Variants in CCDC30 observed in about 807,000 individuals in gnomAD.
CCDC30 encodes the protein coiled-coil domain containing 30.
A neutral mutation model predicts 100.2 loss-of-function variants in CCDC30; 70 were observed. That is an observed-to-expected ratio of 0.70 (90% confidence interval 0.58 to 0.85). The LOEUF is 0.85. Ranked by LOEUF, CCDC30 falls within the 40% of genes least tolerant of loss-of-function variation. The pLI is 0.00. For synonymous variants in CCDC30, 233 were observed against 269.5 expected, an observed-to-expected ratio of 0.86 and a Z score of 1.33; for missense variants, 652 against 771.2, an observed-to-expected ratio of 0.85 and a Z score of 1.83.
At chr1:42,615,541 C>T (rs1646710380) in intron 11 of CCDC30, among the ~76,000 whole-genome samples, 1 of 151,976 alleles carries the variant, frequency 6.6e-6, no homozygotes, top group African/African-American at 2.4e-5. Context: ...TCAAATGATC[C>T]ACCCGCCTCA....
intron 6 of CCDC30, chr1:42,510,070 T>C (rs563287481): frequency 6.1e-6 from 6 of 985,326 alleles, no homozygotes; most frequent in Non-Finnish European, 7.2e-6. Flanking sequence ...TGTTGTAGAA[T>C]TGGAGGAGCT....
chr1:42,458,092 G>C, the CCDC30 span, among the ~76,000 whole-genome samples: 4 of 152,164 alleles, frequency 2.6e-5, no homozygotes, highest in African/African-American at 9.7e-5. Flanking sequence ...GCTTTGGTAA[G>C]GCTGGAGAGC....
chr1:42,578,733 A>G (rs1433061840), intron 8 of CCDC30, among the ~76,000 whole-genome samples: 1 of 152,216 alleles, frequency 6.6e-6, no homozygotes, highest in Non-Finnish European at 1.5e-5. Flanking sequence ...AAACTGTTAC[A>G]TGCATGTATG....
intron 6 of CCDC30, 83 bp from the exon 10 acceptor site, chr1:42,556,073 T>C: frequency 7.5e-7 from 1 of 1,337,796 alleles, no homozygotes; most frequent in Non-Finnish European, 1.0e-6. Context: ...TTTGCAACAC[T>C]GTCTTGACTT....
rs113507813 is a variant in CCDC30 at position 42,611,685 on chromosome 1, A to G, written c.1277+595A>G. 5.8e-3 allele frequency among the ~76,000 whole-genome samples: 887 copies of G among 152,100 alleles called. 11 individuals carry two copies. The highest frequency in any genetic ancestry group is 0.021 in the African/African-American group (855 of 41,492). ...TAATGAAACAACATTGCAAAAAAAA[A>G]TTCTTTTTTCAGATAGGATCTCACT... On this transcript the variant is annotated intron_variant, in intron 11 of 16. Transcript: ENST00000668663.
intron 9 of CCDC30, among the ~76,000 whole-genome samples, chr1:42,585,914 A>G (rs1009146037): frequency 6.8e-6 from 1 of 146,152 alleles, no homozygotes; most frequent in African/African-American, 2.5e-5. Context: ...TAGATATATC[A>G]TACTTTATGT....
At chr1:42,535,931 C>G (rs919152398) in intron 6 of CCDC30, among the ~76,000 whole-genome samples, 1 of 150,096 alleles carries the variant, frequency 6.7e-6, no homozygotes, top group African/African-American at 2.5e-5. Flanking sequence ...TTAAGTTAGA[C>G]TTGACTTAGA....
intron 15 of CCDC30, among the ~76,000 whole-genome samples, chr1:42,651,426 G>A (rs1416813416): frequency 6.7e-6 from 1 of 150,128 alleles, no homozygotes; most frequent in Non-Finnish European, 1.5e-5. Flanking sequence ...GGCCTGAATA[G>A]ACATTTCTCA....
At chr1:42,500,286 C>T in intron 6 of CCDC30, 7 of 1,610,968 alleles carry the variant, frequency 4.3e-6, no homozygotes, top group Non-Finnish European at 5.9e-6. Context: ...CTGTCTTCTT[C>T]AGTTTCGACT....
chr1:42,456,128 C>G, the CCDC30 span: 1 of 718,382 alleles, frequency 1.4e-6, no homozygotes, highest in Admixed American at 2.0e-5. Context: ...GGACGTGACT[C>G]GACTAACATC....
At chr1:42,651,024 G>T (rs569830376) in intron 15 of CCDC30, among the ~76,000 whole-genome samples, 3 of 152,262 alleles carry the variant, frequency 2.0e-5, no homozygotes, top group Admixed American at 2.0e-4. Context: ...ATATCTATGT[G>T]CAGAAGAATG....
intron 10 of CCDC30, 46 bp from the exon 15 acceptor site, chr1:42,610,932 T>A: frequency 5.4e-6 from 5 of 922,460 alleles, no homozygotes; most frequent in Non-Finnish European, 8.7e-6. Flanking sequence ...TTCAACATCA[T>A]ACCTTTGTCA....
chr1:42,457,595 G>A, the CCDC30 span: 5 of 522,280 alleles, frequency 9.6e-6, no homozygotes, highest in African/African-American at 9.6e-5. Flanking sequence ...TCAGATCATG[G>A]GGCGAGTGAA....
intron 11 of CCDC30, among the ~76,000 whole-genome samples, chr1:42,624,615 G>A (rs186742667): frequency 6.6e-6 from 1 of 152,210 alleles, no homozygotes; most frequent in Non-Finnish European, 1.5e-5. Context: ...GAGTAGCTGA[G>A]ACCACAGGCA....
intron 1 of CCDC30, among the ~76,000 whole-genome samples, chr1:42,471,181 G>T (rs1643757971): frequency 6.6e-6 from 1 of 152,078 alleles, no homozygotes; most frequent in Non-Finnish European, 1.5e-5. Flanking sequence ...GTGCACTTGA[G>T]TATTGACCTG....
intron 6 of CCDC30, among the ~76,000 whole-genome samples, chr1:42,526,520 C>G (rs900866896): frequency 1.3e-5 from 2 of 152,086 alleles, no homozygotes; most frequent in African/African-American, 4.8e-5. Context: ...ATCCTTTTCC[C>G]AGGCCTTGTT....
Position 42,566,490 on chromosome 1 carries a change from C to T in CCDC30, c.636+15C>T. On this transcript the variant is annotated intron_variant, in intron 7 of 16. Coordinates refer to ENST00000668663, the Ensembl canonical transcript of CCDC30. ...AAAACATTAAGGTAACTCTTGTGGG[C>T]AAATGCTTTATGGAAGGGTTTCAGT... 2 of 1,604,416 alleles carry T rather than the reference C, an allele frequency of 1.2e-6. No individual in the cohort carries two copies. Among genetic ancestry groups the T allele is most frequent in the Non-Finnish European group, 1.7e-6 (2 of 1,173,340 alleles).
At chr1:42,481,728 G>T (rs956644174) in intron 2 of CCDC30, among the ~76,000 whole-genome samples, 1 of 151,860 alleles carries the variant, frequency 6.6e-6, no homozygotes, top group Non-Finnish European at 1.5e-5. Flanking sequence ...TAATGTTTTT[G>T]ATCTAGGGAA....
the CCDC30 span, chr1:42,456,753 G>A: frequency 6.2e-7 from 1 of 1,611,744 alleles, no homozygotes; most frequent in Non-Finnish European, 8.5e-7. Context: ...TTCAGCAGCG[G>A]GCGGCGCGGT....
Sources: allele counts gnomAD v4.1 joint callset (sites outside exome capture counted in the v4.1 genomes callset), GRCh38; gene constraint gnomAD v4.1.1; transcripts MANE v1.5; gene names NCBI Gene and HGNC (gene_info 2026-07-23, HGNC 2026-07-21).